ZFYVE28: variants seen among roughly 807,000 people sequenced by gnomAD.
ZFYVE28 encodes lateral signaling target protein 2 homolog.
Under a neutral mutation model 82.1 loss-of-function variants are expected in ZFYVE28, and 40 were observed. That is an observed-to-expected ratio of 0.49 (90% CI 0.38 to 0.63). ZFYVE28 has a LOEUF of 0.63. ZFYVE28 is among the 30% of genes least tolerant of loss of function. The pLI is 0.00. For missense variants in ZFYVE28, 1,321 were observed against 1,242.1 expected (o/e 1.06, Z -0.96); for synonymous variants, 612 against 546.1 (o/e 1.12, Z -1.68).
intron 1 of ZFYVE28, among the ~76,000 whole-genome samples, chr4:2,355,220 AT>A (rs1560269592): frequency 0.12 from 1,084 of 9,122 alleles, 218 homozygotes; most frequent in African/African-American, 0.24. Flanking sequence ...ATATATATAT[AT>A]ATATATATAT....
chr4:2,391,455 CTTT>C (rs140103966), intron 1 of ZFYVE28, among the ~76,000 whole-genome samples: 5 of 117,178 alleles, frequency 4.3e-5, no homozygotes, highest in Non-Finnish European at 1.7e-5. Context: ...GGTCAATTAT[CTTT>C]TTTTTTTTTT....
chr4:2,308,608 G>GAGAA (rs1218812437), intron 7 of ZFYVE28, among the ~76,000 whole-genome samples: 3 of 99,700 alleles, frequency 3.0e-5, no homozygotes, highest in East Asian at 3.6e-4. Context: ...GACAGAGAGA[G>GAGAA]AGAAAGAAAG....
intron 8 of ZFYVE28, among the ~76,000 whole-genome samples, chr4:2,301,908 T>G (rs1715597114): frequency 6.6e-6 from 1 of 152,142 alleles, no homozygotes; most frequent in Admixed American, 6.5e-5. Context: ...GAGAGGCTGT[T>G]CGCGCGAGGC....
chr4:2,413,475 T>C (rs1257325622), intron 1 of ZFYVE28, among the ~76,000 whole-genome samples: 1 of 152,192 alleles, frequency 6.6e-6, no homozygotes, highest in African/African-American at 2.4e-5. Flanking sequence ...CCACGCCTGC[T>C]CTGACTCAGC....
chr4:2,407,432 TCTGAGCATCTGAGGGGCCTG>T (rs1251001094), intron 1 of ZFYVE28, among the ~76,000 whole-genome samples: 1 of 151,916 alleles, frequency 6.6e-6, no homozygotes, highest in Non-Finnish European at 1.5e-5. Context: ...GATGCTGCGT[TCTGAGCATCTGAGGGGCCTG>T]CTGTGCCACT....
chr4:2,352,863 T>C (rs561908613), intron 2 of ZFYVE28, among the ~76,000 whole-genome samples: 9 of 152,306 alleles, frequency 5.9e-5, no homozygotes, highest in African/African-American at 2.2e-4. Flanking sequence ...CCATGAGGAA[T>C]AGCATCTGAT....
chr4:2,364,406 C>G (rs942463119), intron 1 of ZFYVE28: 1 of 980,878 alleles, frequency 1.0e-6, no homozygotes, highest in South Asian at 4.7e-5. Context: ...CACAGCCCCC[C>G]ACCTCTCCAA....
intron 1 of ZFYVE28, among the ~76,000 whole-genome samples, chr4:2,379,657 T>C (rs1463054175): frequency 2.0e-5 from 3 of 152,218 alleles, no homozygotes; most frequent in Non-Finnish European, 4.4e-5. Flanking sequence ...ACCTCCCTCC[T>C]GTAATTTTAT....
chr4:2,341,615 C>T lies in ZFYVE28; in HGVS notation c.181G>A (p.Asp61Asn). 3.1e-6 allele frequency: 5 copies of T among 1,604,808 alleles called. No individual in the cohort carries two copies. The highest frequency in any genetic ancestry group is 4.3e-6 in the Non-Finnish European group (5 of 1,172,368). ...LLVSQFRSCQDNVLNIINQIM... is the reference protein window; with the variant it reads ...LLVSQFRSCQNNVLNIINQIM... ...TGGTTAATGATGTTCAACACATTGT[C>T]CTGAAACAGAAGACAGGAGAAAGTG... The change falls in exon 3 of 13, where the codon GAC (aspartate) becomes AAC (asparagine). Residue 61 changes from aspartate (D) to asparagine (N), a missense_variant and splice_region_variant. By Grantham distance (23) the Asp-to-Asn change is conservative. Transcript: ENST00000290974. The surrounding 1 kb of genome is among the most constrained non-coding windows in gnomAD (Gnocchi z 4.5).
intron 7 of ZFYVE28, among the ~76,000 whole-genome samples, chr4:2,317,497 ACT>A (rs1464599847): frequency 6.6e-6 from 1 of 151,980 alleles, no homozygotes. Flanking sequence ...AGCCTGCTGC[ACT>A]CTCTGCCTTC....
At chr4:2,404,319 A>AAC (rs1553866933) in intron 1 of ZFYVE28, among the ~76,000 whole-genome samples, 3 of 85,984 alleles carry the variant, frequency 3.5e-5, no homozygotes, top group African/African-American at 1.1e-4. Context: ...CAAAAAAAAA[A>AAC]AAAAAAAAAC....
In ZFYVE28 at chr4:2,300,097, T is replaced by C. The variant is rs1397068807; in HGVS notation, c.2051+4192A>G. Among the ~76,000 whole-genome samples the C allele has an allele frequency of 6.6e-6, 1 of 152,188 alleles. No homozygotes were observed. Among genetic ancestry groups the C allele is most frequent in the Non-Finnish European group, 1.5e-5 (1 of 68,024 alleles). ...CAAGCATAAGCCACCAGACCCAGAC[T>C]TTCCTTCTTATGTTTTCCAAAGTTT... On this transcript the variant is annotated intron_variant, in intron 8 of 12. Transcript: ENST00000290974. This position sits in a 1 kb window ranked among gnomAD's most constrained non-coding sequence, Gnocchi z 4.6.
chr4:2,275,298 C>T (rs80343952), intron 8 of ZFYVE28, among the ~76,000 whole-genome samples: 4,379 of 152,294 alleles, frequency 0.029, 189 homozygotes, highest in African/African-American at 0.096. Context: ...TGTACTAACT[C>T]CGGAGGTTCA....
At chr4:2,393,091 C>A (rs1003398301) in intron 1 of ZFYVE28, among the ~76,000 whole-genome samples, 1 of 152,226 alleles carries the variant, frequency 6.6e-6, no homozygotes, top group Non-Finnish European at 1.5e-5. Context: ...CCTTTGAGGA[C>A]GCTGTCATAT....
intron 7 of ZFYVE28, among the ~76,000 whole-genome samples, chr4:2,318,073 C>T (rs561393790): frequency 6.6e-6 from 1 of 152,228 alleles, no homozygotes; most frequent in South Asian, 2.1e-4. Flanking sequence ...GTTTCACCAG[C>T]CCTTGATTAG....
chr4:2,398,689 A>AGG (rs66717982), intron 1 of ZFYVE28, among the ~76,000 whole-genome samples: 101,599 of 124,082 alleles, frequency 0.82, 44,555 homozygotes, highest in Admixed American at 0.88. Flanking sequence ...CCAGGGCACA[A>AGG]TGGGGGGTCG....
In ZFYVE28 at chr4:2,417,105, G is replaced by A. The variant is rs1410392661; in HGVS notation, c.39+1180C>T. ...TGGACGGAGAAAGGCGGCCAGTGGA[G>A]GGAGGAGGGGTAGGTCGGCAACGCG... On this transcript the variant is annotated intron_variant, in intron 1 of 12. Coordinates refer to ENST00000290974, the MANE Select transcript of ZFYVE28 (RefSeq NM_020972.3). The surrounding 1 kb of genome is among the most constrained non-coding windows in gnomAD (Gnocchi z 4.8). Among the ~76,000 whole-genome samples the A allele has an allele frequency of 6.6e-6, 1 of 152,240 alleles. No homozygotes were observed. The highest frequency in any genetic ancestry group is 1.5e-5 in the Non-Finnish European group (1 of 68,040).
chr4:2,337,660 T>C (rs1560231284), intron 4 of ZFYVE28, among the ~76,000 whole-genome samples, 164 bp from the exon 5 acceptor site: 2 of 151,954 alleles, frequency 1.3e-5, no homozygotes, highest in Non-Finnish European at 2.9e-5. Flanking sequence ...GGTGGGAGGA[T>C]GGCTTGAGCC....
intron 7 of ZFYVE28, among the ~76,000 whole-genome samples, chr4:2,311,044 T>C (rs1353668749): frequency 6.6e-6 from 1 of 152,230 alleles, no homozygotes; most frequent in Non-Finnish European, 1.5e-5. Flanking sequence ...TTTGAGGAAT[T>C]TGTCCAATGC....
Sources: gnomAD v4.1 joint callset for allele counts (sites outside exome capture counted in the v4.1 genomes callset) on GRCh38, gnomAD v4.1.1 for gene constraint, Gnocchi (gnomAD v3.1) non-coding constraint, MANE v1.5 for transcripts, NCBI Gene and HGNC (gene_info 2026-07-23, HGNC 2026-07-21) for gene names.